Variants in GLRA1 observed in about 807,000 individuals in gnomAD.
The protein encoded by GLRA1 is glycine receptor alpha 1.
In GLRA1, 37 loss-of-function variants were observed where a neutral mutation model predicts 48.3. That is an observed-to-expected ratio of 0.77 (90% CI 0.59 to 1.01). The LOEUF (loss-of-function observed/expected upper bound fraction) is 1.01. Ranked by LOEUF, GLRA1 falls within the 50% of genes least tolerant of loss-of-function variation. GLRA1 has a pLI of 0.00. For synonymous variants in GLRA1, 196 were observed against 210.7 expected, an observed-to-expected ratio of 0.93 and a Z score of 0.60; for missense variants, 427 against 571.0, an observed-to-expected ratio of 0.75 and a Z score of 2.57.
At chr5:151,892,054 A>G (rs1754090696) in intron 2 of GLRA1, among the ~76,000 whole-genome samples, 1 of 152,186 alleles carries the variant, frequency 6.6e-6, no homozygotes, top group African/African-American at 2.4e-5. Context: ...TTCCCATCAT[A>G]CAAGAAGTAG....
intron 1 of GLRA1, among the ~76,000 whole-genome samples, chr5:151,915,115 A>T (rs1240567987): frequency 6.6e-6 from 1 of 152,248 alleles, no homozygotes; most frequent in Non-Finnish European, 1.5e-5. Flanking sequence ...TGGGGATAGG[A>T]TAGTACTTTT....
chr5:151,866,881 A>G lies in GLRA1; in HGVS notation c.253-6873T>C, dbSNP rs186875283. On this transcript the variant is annotated intron_variant, in intron 3 of 8. Coordinates refer to ENST00000274576, the MANE Select transcript of GLRA1 (RefSeq NM_000171.4). Reference sequence around the variant, plus strand: ...CACTTTGGGAGGCCAAAATGGGCAGATTGCTTGAGCCCAGGAGTTTGAGAC... The same window carrying G: ...CACTTTGGGAGGCCAAAATGGGCAGGTTGCTTGAGCCCAGGAGTTTGAGAC... Among the ~76,000 whole-genome samples the G allele has an allele frequency of 1.7e-3, 259 of 152,292 alleles. 1 individual carries two copies. The highest frequency in any genetic ancestry group is 3.4e-3 in the Middle Eastern group (1 of 294).
chr5:151,836,160 C>T (rs1439758927), intron 7 of GLRA1, among the ~76,000 whole-genome samples: 9 of 152,058 alleles, frequency 5.9e-5, no homozygotes, highest in Admixed American at 5.2e-4. Flanking sequence ...TTCCTATACA[C>T]CAATAATAGA....
intron 1 of GLRA1, among the ~76,000 whole-genome samples, chr5:151,914,230 CAG>C (rs1754685294): frequency 6.6e-6 from 1 of 152,168 alleles, no homozygotes; most frequent in South Asian, 2.1e-4. Context: ...CTATTGAAAA[CAG>C]ATGTCTGAGA....
intron 1 of GLRA1, among the ~76,000 whole-genome samples, chr5:151,912,096 C>A (rs149778829): frequency 3.4e-3 from 522 of 152,236 alleles, no homozygotes; most frequent in Middle Eastern, 6.8e-3. Context: ...AATATCTAGG[C>A]TGTCCAATTT....
chr5:151,826,772 T>C (rs935925155), intron 8 of GLRA1, among the ~76,000 whole-genome samples: 2 of 152,192 alleles, frequency 1.3e-5, no homozygotes, highest in Non-Finnish European at 2.9e-5. Context: ...GAAAGTACCA[T>C]AGGCCCACCA....
chr5:151,895,307 T>C (rs1754202877), intron 1 of GLRA1, among the ~76,000 whole-genome samples: 1 of 152,158 alleles, frequency 6.6e-6, no homozygotes. Context: ...GGTGTGGATG[T>C]GTAAAATGCT....
chr5:151,850,234 G>A, intron 7 of GLRA1: 1 of 1,604,612 alleles, frequency 6.2e-7, no homozygotes. Context: ...TTGTATGCTG[G>A]AGCCAAGATG....
At chr5:151,858,421 A>C (rs1417581993) in intron 4 of GLRA1, among the ~76,000 whole-genome samples, 2 of 152,224 alleles carry the variant, frequency 1.3e-5, no homozygotes, top group African/African-American at 4.8e-5. Context: ...TTGTCCTATC[A>C]TGCTGTACCA....
At position 151,853,205 on chromosome 5, in the gene GLRA1, G is replaced by T. The variant is rs79381033; in HGVS notation, c.698-1601C>A. Among the ~76,000 whole-genome samples the T allele has an allele frequency of 1.2e-3, 189 of 152,222 alleles. 1 individual carries two copies. In the East Asian group the frequency reaches 0.014, roughly 11 times the overall value. On this transcript the variant is annotated intron_variant, in intron 6 of 8. Coordinates refer to ENST00000274576, the MANE Select transcript of GLRA1 (RefSeq NM_000171.4). ...TGACTAGAATTAACAGTGCTGTCCT[G>T]TGTGCTTGAAATTTGCTAAGAGGAT... is the stretch of plus-strand genomic sequence containing the variant.
intron 1 of GLRA1, among the ~76,000 whole-genome samples, chr5:151,920,464 A>G (rs7729457): frequency 0.59 from 89,463 of 151,952 alleles, 27,070 homozygotes; most frequent in African/African-American, 0.73. Context: ...CCTCTGCTTA[A>G]GTCATTACCA....
At chr5:151,906,412 A>T (rs896164433) in intron 1 of GLRA1, among the ~76,000 whole-genome samples, 1 of 152,204 alleles carries the variant, frequency 6.6e-6, no homozygotes, top group Non-Finnish European at 1.5e-5. Context: ...CATCTTGGCT[A>T]ATTTATTATA....
chr5:151,831,129 C>G (rs570650357), intron 7 of GLRA1, among the ~76,000 whole-genome samples: 6 of 152,358 alleles, frequency 3.9e-5, no homozygotes, highest in South Asian at 2.1e-4. Context: ...AGATACTACT[C>G]TTTTCCCAGT....
intron 1 of GLRA1, 138 bp from the exon 2 acceptor site, chr5:151,892,576 T>A: frequency 1.1e-6 from 1 of 900,352 alleles, no homozygotes; most frequent in East Asian, 2.6e-5. Flanking sequence ...GGGTCCTTAA[T>A]GAGGTAAGGC....
intron 1 of GLRA1, among the ~76,000 whole-genome samples, 185 bp from the exon 2 acceptor site, chr5:151,892,623 G>C (rs79859490): frequency 6.6e-6 from 1 of 152,144 alleles, no homozygotes; most frequent in South Asian, 2.1e-4. Context: ...AATATCAGCC[G>C]GCATGGGATC....
At chr5:151,831,037 C>T (rs142249572) in intron 7 of GLRA1, among the ~76,000 whole-genome samples, 87 of 152,320 alleles carry the variant, frequency 5.7e-4, no homozygotes, top group African/African-American at 2.0e-3. Flanking sequence ...ACCCAGAAAG[C>T]ACAAGGGGTT....
In GLRA1 at chr5:151,826,855, CTCAA is replaced by C. The variant is rs533858585; in HGVS notation, c.1059+2062_1059+2065del. On this transcript the variant is annotated intron_variant, in intron 8 of 8. Transcript: ENST00000274576. ...CAGCATCTACTGGAGCTGTGCAGTG[CTCAA>C]TCAAAGGGGCTGGTGCTAGTAAAAT... 2.6e-4 allele frequency among the ~76,000 whole-genome samples: 40 copies of C among 152,284 alleles called. No individual in the cohort carries two copies. The South Asian group carries it at 6.4e-3, about 24-fold the overall frequency.
intron 6 of GLRA1, among the ~76,000 whole-genome samples, chr5:151,854,523 G>T (rs1752985897): frequency 6.6e-6 from 1 of 152,210 alleles, no homozygotes; most frequent in Non-Finnish European, 1.5e-5. Context: ...CAGTCATCCA[G>T]ATATTCAATC....
intron 8 of GLRA1, among the ~76,000 whole-genome samples, chr5:151,826,566 G>GGGT (rs1025848992): frequency 1.3e-5 from 2 of 152,252 alleles, no homozygotes; most frequent in African/African-American, 4.8e-5. Flanking sequence ...TTGCTATTGT[G>GGGT]GGTCTCTCTC....
Sources: allele counts gnomAD v4.1 joint callset (sites outside exome capture counted in the v4.1 genomes callset), GRCh38; gene constraint gnomAD v4.1.1; transcripts MANE v1.5; gene names NCBI Gene and HGNC (gene_info 2026-07-23, HGNC 2026-07-21).